Variants in TMEM114 observed in about 807,000 individuals in gnomAD.
TMEM114 encodes the protein transmembrane protein 114.
TMEM114 carries 6 observed loss-of-function variants against 6.2 expected under a neutral mutation model. The ratio of observed to expected loss-of-function variants is 0.97; its 90% CI spans 0.53 to 1.91. TMEM114 has a LOEUF of 1.91. TMEM114 is among the 40% of genes most tolerant of loss of function. The pLI is 0.01. For synonymous variants in TMEM114, 104 were observed against 73.0 expected (o/e 1.42, Z -2.16); for missense variants, 218 against 158.3 (o/e 1.38, Z -2.02).
chr16:8,555,638 C>T (rs1449283729), intron 2 of TMEM114, among the ~76,000 whole-genome samples: 1 of 152,186 alleles, frequency 6.6e-6, no homozygotes. Context: ...TGCTGCCTAT[C>T]TCACTATTGT....
the TMEM114 span, chr16:8,531,946 G>C: frequency 2.0e-5 from 3 of 152,224 alleles, no homozygotes; most frequent in African/African-American, 7.2e-5. Flanking sequence ...TAGATGAGAA[G>C]TAAAGTTGAA....
rs74615862 is a variant in TMEM114 at position 8,574,782 on chromosome 16, G to A, written c.302-2558C>T. Among the ~76,000 whole-genome samples, 9 of 152,250 alleles carry A rather than the reference G, an allele frequency of 5.9e-5. No homozygotes were observed. The East Asian group carries it at 1.7e-3, about 29-fold the overall frequency. ...TGGTGCAGCCATGGCAGCCCCATGT[G>A]AGTTTCCCAGTCGTGCTGCAAGCTG... is the stretch of plus-strand genomic sequence containing the variant. On this transcript the variant is annotated intron_variant, in intron 2 of 3. Transcript: ENST00000620492.
downstream of TMEM114, among the ~76,000 whole-genome samples, chr16:8,567,895 C>G (rs989282963): frequency 6.6e-6 from 1 of 152,156 alleles, no homozygotes; most frequent in Non-Finnish European, 1.5e-5. Flanking sequence ...AGCATTGTAA[C>G]TGATTTTCCA....
At chr16:8,537,543 A>G (rs1231480913), downstream of TMEM114, 1 of 152,222 alleles carries the variant, frequency 6.6e-6, no homozygotes, top group African/African-American at 2.4e-5. Context: ...ATATTTATAT[A>G]TGATAATAAA....
intron 2 of TMEM114, among the ~76,000 whole-genome samples, chr16:8,564,426 T>G (rs1261383964): frequency 1.3e-5 from 2 of 148,708 alleles, no homozygotes; most frequent in Non-Finnish European, 3.0e-5. Context: ...AGTAAATGAG[T>G]GAGTGAGGGA....
At chr16:8,529,912 G>T in the TMEM114 span, among the ~76,000 whole-genome samples, 14 of 152,134 alleles carry the variant, frequency 9.2e-5, no homozygotes, top group Non-Finnish European at 7.4e-5. Context: ...CTATGAATTA[G>T]TATTTGCACT....
chr16:8,572,272 C>A, intron 2 of TMEM114, 48 bp from the exon 3 acceptor site: 1 of 1,549,624 alleles, frequency 6.5e-7, no homozygotes, highest in Non-Finnish European at 8.7e-7. Context: ...TTACTAACAT[C>A]CTTCATTCAA....
chr16:8,562,276 A>ATGAG (rs144073898), intron 2 of TMEM114, among the ~76,000 whole-genome samples: 1 of 129,804 alleles, frequency 7.7e-6, no homozygotes, highest in South Asian at 2.4e-4. Flanking sequence ...GAGGGAGGGA[A>ATGAG]TGAGTGAGTG....
chr16:8,567,377 T>A (rs7201849), downstream of TMEM114, among the ~76,000 whole-genome samples: 31,803 of 152,156 alleles, frequency 0.21, 3,567 homozygotes, highest in South Asian at 0.28. Context: ...TCTCTGACAC[T>A]GTAGGTATCT....
At chr16:8,545,334 G>A (rs1160395403) in intron 2 of TMEM114, among the ~76,000 whole-genome samples, 2 of 152,122 alleles carry the variant, frequency 1.3e-5, no homozygotes, top group Non-Finnish European at 2.9e-5. Context: ...TACTCAGGAG[G>A]CTGAGGCAGG....
downstream of TMEM114, among the ~76,000 whole-genome samples, chr16:8,537,042 C>G (rs1900381132): frequency 6.6e-6 from 1 of 151,882 alleles, no homozygotes; most frequent in African/African-American, 2.4e-5. Context: ...CCTATGTCTA[C>G]AAAAAATTTA....
At chr16:8,538,907 T>G (rs1900439540) in intron 2 of TMEM114, among the ~76,000 whole-genome samples, 2 of 152,226 alleles carry the variant, frequency 1.3e-5, no homozygotes, top group Non-Finnish European at 2.9e-5. Context: ...ATATTTAAAT[T>G]ATATCATTTA....
At chr16:8,561,300 C>T (rs1567201504) in intron 2 of TMEM114, among the ~76,000 whole-genome samples, 1 of 152,222 alleles carries the variant, frequency 6.6e-6, no homozygotes. Context: ...GGAAGAGTTT[C>T]TGGTCTCTCA....
chr16:8,532,709 G>C (rs552510304), downstream of TMEM114, among the ~76,000 whole-genome samples: 2 of 152,252 alleles, frequency 1.3e-5, no homozygotes, highest in South Asian at 4.2e-4. Context: ...CGACTCACGA[G>C]GTCAGGAGAT....
At chr16:8,586,534 G>C (rs1293970666) in intron 2 of TMEM114, among the ~76,000 whole-genome samples, 1 of 150,330 alleles carries the variant, frequency 6.7e-6, no homozygotes, top group African/African-American at 2.5e-5. Context: ...TTTTTTGAGA[G>C]AGTCTCACTC....
At chr16:8,534,981 G>A (rs934552177), downstream of TMEM114, among the ~76,000 whole-genome samples, 1 of 152,080 alleles carries the variant, frequency 6.6e-6, no homozygotes, top group African/African-American at 2.4e-5. Context: ...CTTCTCCATC[G>A]GTCTCAGTGA....
chr16:8,550,346 A>G lies in TMEM114; in HGVS notation n.213-12520T>C, dbSNP rs567424945. On this transcript the variant is annotated intron_variant and non_coding_transcript_variant, in intron 2 of 2. Transcript: ENST00000623677. ...GCTGACACTTAATATTAACCATCAC[A>G]GTACCCTAGAATTTTGTTCGTGTTC... is the stretch of plus-strand genomic sequence containing the variant. 3.9e-5 allele frequency among the ~76,000 whole-genome samples: 6 copies of G among 152,350 alleles called. No homozygotes were observed. The South Asian group carries it at 1.0e-3, about 26-fold the overall frequency.
chr16:8,530,698 G>C, the TMEM114 span, among the ~76,000 whole-genome samples: 1 of 151,956 alleles, frequency 6.6e-6, no homozygotes, highest in East Asian at 1.9e-4. Context: ...ATGGGAGGGA[G>C]AGAGAGAATT....
the TMEM114 span, among the ~76,000 whole-genome samples, chr16:8,531,479 G>C: frequency 1.3e-5 from 2 of 152,198 alleles, no homozygotes; most frequent in South Asian, 4.1e-4. Context: ...TATCACAAGG[G>C]AAGCCATGTT....
Sources: gnomAD v4.1 joint callset for allele counts (sites outside exome capture counted in the v4.1 genomes callset) on GRCh38, gnomAD v4.1.1 for gene constraint, MANE v1.5 for transcripts, NCBI Gene and HGNC (gene_info 2026-07-23, HGNC 2026-07-21) for gene names.